Variants in APBB1 observed in about 807,000 individuals in gnomAD.
APBB1 encodes amyloid beta precursor protein binding family B member 1, also known as adaptor protein FE65a2.
A neutral mutation model predicts 78.4 loss-of-function variants in APBB1; 22 were observed. That is an observed-to-expected ratio of 0.28 (90% CI 0.20 to 0.40). The LOEUF (loss-of-function observed/expected upper bound fraction) is 0.40, where lower values mean the gene tolerates loss of function less well. Among genes scored for constraint, APBB1 ranks in the 10% least tolerant of loss-of-function variants. APBB1 has a pLI of 1.00. For missense variants in APBB1, 749 were observed against 932.4 expected, an observed-to-expected ratio of 0.80 and a Z score of 2.56; for synonymous variants, 369 against 372.7, an observed-to-expected ratio of 0.99 and a Z score of 0.12.
rs1275568869 is a variant in APBB1, at chr11:6,401,528, G to A, written c.1503+46C>T. The A allele has an allele frequency of 6.2e-6, 10 of 1,613,846 alleles. No homozygotes were observed. In the South Asian group the frequency reaches 9.9e-5, roughly 16 times the overall value. On this transcript the variant is annotated intron_variant, in intron 10 of 14. Transcript: ENST00000609360. This position sits in a 1 kb window ranked among gnomAD's most constrained non-coding sequence, Gnocchi z 4.5. ...ACTCAGTGACCCCACCCACACCCTT[G>A]TAGAGCAAAGGTGGCAACTAGTCCA...
At position 6,410,952 on chromosome 11, in the gene APBB1, T is replaced by G; in HGVS notation, c.396A>C (p.Leu132=). The G allele has an allele frequency of 3.1e-6, 5 of 1,614,188 alleles. No individual in the cohort carries two copies. The highest frequency in any genetic ancestry group is 2.2e-5 in the East Asian group (1 of 44,880). The part of the protein sequence containing the change: ...LSAHNAANRG[L]RGPGLIISTQ... Reference sequence around the variant, plus strand: ...TGCTGATGATCAGGCCAGGTCCTCGTAGGCCTCGGTTGGCTGCGTTGTGAG... The same window carrying G: ...TGCTGATGATCAGGCCAGGTCCTCGGAGGCCTCGGTTGGCTGCGTTGTGAG... Residue 132 remains leucine, a synonymous_variant, in exon 2 of 15, where the codon CTA becomes CTC. Coordinates refer to ENST00000609360, the MANE Select transcript of APBB1 (RefSeq NM_001164.5).
rs1394496855 is a variant in APBB1 at position 6,401,111 on chromosome 11, C to T, written c.1589-39G>A. 3 of 1,613,994 alleles carry T rather than the reference C, an allele frequency of 1.9e-6. No individual in the cohort carries two copies. Among genetic ancestry groups the T allele is most frequent in the Non-Finnish European group, 2.5e-6 (3 of 1,180,026 alleles). On this transcript the variant is annotated intron_variant, in intron 11 of 14. Transcript: ENST00000609360. This position sits in a 1 kb window ranked among gnomAD's most constrained non-coding sequence, Gnocchi z 4.5. ...GAGAAGGTTGATCATGGTGGCAGAC[C>T]TTGCTCACCCGCAGCCCCACCAGCA...
rs751414701 is a variant in APBB1 at position 6,410,789 on chromosome 11, C to T, written c.559G>A (p.Glu187Lys). 5 of 1,609,734 alleles carry T rather than the reference C, an allele frequency of 3.1e-6. No individual in the cohort carries two copies. The South Asian group carries it at 5.5e-5, about 18-fold the overall frequency. Residue 187 changes from glutamate to lysine, a missense_variant, in exon 2 of 15, where the codon GAG becomes AAG. Physicochemically the swap from Glu to Lys is moderately conservative, Grantham distance 56. Coordinates refer to ENST00000609360, the MANE Select transcript of APBB1 (RefSeq NM_001164.5). Reference protein sequence around the residue: ...PGLPEPLESVEAPPRPQALTD... With the variant: ...PGLPEPLESVKAPPRPQALTD... ...AGGGCTTGGGGCCTGGGAGGGGCCT[C>T]CACACTCTCCAGGGGCTCAGGCAGC...
chr11:6,415,146 C>T (rs1174272576), intron 1 of APBB1, among the ~76,000 whole-genome samples: 2 of 152,218 alleles, frequency 1.3e-5, no homozygotes, highest in African/African-American at 2.4e-5. Flanking sequence ...AGGAACACAA[C>T]CTAATCTCTC....
Position 6,403,484 on chromosome 11 carries a change from C to A in APBB1, c.954+4G>T, listed in dbSNP as rs771730515. On this transcript the variant is annotated splice_donor_region_variant and intron_variant, in intron 4 of 14. Transcript: ENST00000609360. The surrounding 1 kb of genome is among the most constrained non-coding windows in gnomAD (Gnocchi z 5.3). ...CCCGTGGTAAAGCAGGTCCCCTTAC[C>A]CACCTTCCAAAATTCTCCATCCTCA... 8 of 1,614,170 alleles carry A rather than the reference C, an allele frequency of 5.0e-6. No homozygotes were observed. The highest frequency in any genetic ancestry group is 6.8e-6 in the Non-Finnish European group (8 of 1,180,016).
intron 1 of APBB1, among the ~76,000 whole-genome samples, chr11:6,413,144 T>G (rs1849022485): frequency 6.6e-6 from 1 of 152,042 alleles, no homozygotes; most frequent in African/African-American, 2.4e-5. Context: ...TATTTCTCCC[T>G]GACCAACCAC....
At chr11:6,400,278 C>T (rs546017636) in intron 12 of APBB1, among the ~76,000 whole-genome samples, 293 of 152,320 alleles carry the variant, frequency 1.9e-3, no homozygotes, top group African/African-American at 6.8e-3. Context: ...CAGTGGCTCA[C>T]GCCTGTAATC....
rs1848668297 is a variant in APBB1 at position 6,403,883 on chromosome 11, T to A, written c.722-61A>T. ...CCAAAGAGCAGACAGCTGGTGCCTA[T>A]GCCCGGTCCCCTCTGAGACCCCATG... On this transcript the variant is annotated intron_variant, in intron 2 of 14. Coordinates refer to ENST00000609360, the MANE Select transcript of APBB1 (RefSeq NM_001164.5). The surrounding 1 kb of genome is among the most constrained non-coding windows in gnomAD (Gnocchi z 5.3). The A allele has an allele frequency of 4.0e-6, 6 of 1,503,650 alleles. No individual in the cohort carries two copies. Among genetic ancestry groups the A allele is most frequent in the East Asian group, 2.3e-5 (1 of 43,794 alleles). 93.1% of individuals were successfully genotyped at this position (1,503,650 alleles called of 1,614,324 possible). A position where few individuals can be genotyped will look rare whatever the true frequency, so the allele number is the denominator to read the frequency against.
chr11:6,404,497 C>A (rs182774692), intron 2 of APBB1: 14 of 1,322,556 alleles, frequency 1.1e-5, no homozygotes, highest in Non-Finnish European at 1.4e-5. Flanking sequence ...CACTCAGACA[C>A]ACGGCACACG....
At chr11:6,397,633 G>A (rs1423113383) in intron 12 of APBB1, among the ~76,000 whole-genome samples, 3 of 152,212 alleles carry the variant, frequency 2.0e-5, no homozygotes, top group Admixed American at 6.5e-5. Flanking sequence ...ACTAGGTGCT[G>A]TCTAGGAAGC....
At chr11:6,415,018 G>A (rs1411510511) in intron 1 of APBB1, among the ~76,000 whole-genome samples, 2 of 152,208 alleles carry the variant, frequency 1.3e-5, no homozygotes, top group African/African-American at 4.8e-5. Flanking sequence ...AAGTATTAGA[G>A]GAAGAATGGT....
Position 6,411,291 on chromosome 11 carries a change from G to C in APBB1, c.57C>G (p.Gly19=). The part of the protein sequence containing the change: ...QSAINANSHG[G]PALSLPLPLH... ...GAGGCAGGGGTAGGCTCAGTGCGGGGCCTCCGTGGCTGTTGGCATTAATGG... is the reference window on the plus strand; with the variant it reads ...GAGGCAGGGGTAGGCTCAGTGCGGGCCCTCCGTGGCTGTTGGCATTAATGG... The change falls in exon 2 of 15, where the codon GGC becomes GGG. Residue 19 remains glycine, a synonymous_variant. Transcript: ENST00000609360. This position sits in a 1 kb window ranked among gnomAD's most constrained non-coding sequence, Gnocchi z 5.2. 1 of 1,568,378 alleles carries C rather than the reference G, an allele frequency of 6.4e-7. No individual in the cohort carries two copies. The highest frequency in any genetic ancestry group is 8.6e-7 in the Non-Finnish European group (1 of 1,159,162).
chr11:6,413,240 C>A (rs1163769921), intron 1 of APBB1, among the ~76,000 whole-genome samples: 2 of 152,096 alleles, frequency 1.3e-5, no homozygotes, highest in Non-Finnish European at 2.9e-5. Flanking sequence ...CCCTCGATGG[C>A]CTCACTGATT....
chr11:6,419,089 C>G lies in APBB1; in HGVS notation c.-119G>C, dbSNP rs1167117219. On this transcript the variant is annotated 5_prime_UTR_variant, in exon 1 of 15. Coordinates refer to ENST00000609360, the MANE Select transcript of APBB1 (RefSeq NM_001164.5). ...ACAACATCCCCCGCCCAGGAGCGCG[C>G]GGGCCGCGGGGCCGCGCCCCGAGCG... The G allele has an allele frequency of 1.0e-5, 4 of 383,786 alleles. No homozygotes were observed. Among genetic ancestry groups the G allele is most frequent in the Non-Finnish European group, 1.8e-5 (4 of 216,594 alleles). The allele number at this position is 383,786 out of a possible 1,614,324, so 23.8% of individuals were successfully genotyped here. A position where few individuals can be genotyped will look rare whatever the true frequency, so the allele number is the denominator to read the frequency against.
At position 6,403,008 on chromosome 11, in the gene APBB1, G is replaced by T; in HGVS notation, c.1104+137C>A. 1.1e-6 allele frequency: 1 copy of T among 905,768 alleles called. No individual in the cohort carries two copies. 56.1% of individuals were successfully genotyped at this position (905,768 alleles called of 1,614,324 possible). On this transcript the variant is annotated intron_variant, in intron 6 of 14. Coordinates refer to ENST00000609360, the MANE Select transcript of APBB1 (RefSeq NM_001164.5). This position sits in a 1 kb window ranked among gnomAD's most constrained non-coding sequence, Gnocchi z 5.3. Reference sequence around the variant, plus strand: ...GAAGTGCCTCCAGCTCAGACACAGGGCTCTGTGCTGAGACTGGAAGAACTC... The same window carrying T: ...GAAGTGCCTCCAGCTCAGACACAGGTCTCTGTGCTGAGACTGGAAGAACTC...
At chr11:6,404,933 T>A in intron 2 of APBB1, 3 of 1,447,320 alleles carry the variant, frequency 2.1e-6, no homozygotes, top group Non-Finnish European at 2.7e-6. Flanking sequence ...GCAGAGCGTC[T>A]GCCAGGCAAG....
At chr11:6,396,809 C>T (rs538181177) in intron 12 of APBB1, among the ~76,000 whole-genome samples, 2 of 152,316 alleles carry the variant, frequency 1.3e-5, no homozygotes, top group East Asian at 3.9e-4. Flanking sequence ...GGGACCTGAG[C>T]TCAGGCAGTC....
chr11:6,404,776 G>A lies in APBB1; in HGVS notation c.722-954C>T, dbSNP rs1244088086. On this transcript the variant is annotated intron_variant, in intron 2 of 14. Transcript: ENST00000609360. ...TGCTGTCCTGCAGGATAATGGCCAG[G>A]AAAAAGTCCTGGGAGAACATGGCGC... 2.0e-6 allele frequency: 3 copies of A among 1,536,138 alleles called. No homozygotes were observed. The African/African-American group carries it at 4.1e-5, about 21-fold the overall frequency.
At position 6,403,269 on chromosome 11, in the gene APBB1, C is replaced by T. The variant is rs768995723; in HGVS notation, c.1040+50G>A. 3.1e-6 allele frequency: 5 copies of T among 1,611,788 alleles called. No individual in the cohort carries two copies. The highest frequency in any genetic ancestry group is 3.4e-6 in the Non-Finnish European group (4 of 1,178,732). On this transcript the variant is annotated intron_variant, in intron 5 of 14. Coordinates refer to ENST00000609360, the MANE Select transcript of APBB1 (RefSeq NM_001164.5). The surrounding 1 kb of genome is among the most constrained non-coding windows in gnomAD (Gnocchi z 5.3). ...CATAAATGGAGCTGTCCCAAGGCCCCTTCCAGACAGATCCATCCCACTGCC... is the reference window on the plus strand; with the variant it reads ...CATAAATGGAGCTGTCCCAAGGCCCTTTCCAGACAGATCCATCCCACTGCC...
Sources: allele counts gnomAD v4.1 joint callset (sites outside exome capture counted in the v4.1 genomes callset), GRCh38; gene constraint gnomAD v4.1.1; non-coding constraint Gnocchi (gnomAD v3.1); transcripts MANE v1.5; gene names NCBI Gene and HGNC (gene_info 2026-07-23, HGNC 2026-07-21).